ZFYVE16: variants seen among roughly 807,000 people sequenced by gnomAD.
The protein encoded by ZFYVE16 is zinc finger FYVE domain-containing protein 16.
Under a neutral mutation model 138.1 loss-of-function variants are expected in ZFYVE16, and 89 were observed. The ratio of observed to expected loss-of-function variants is 0.64; its 90% confidence interval spans 0.54 to 0.77. ZFYVE16 has a LOEUF of 0.77. Ranked by LOEUF, ZFYVE16 falls within the 30% of genes least tolerant of loss-of-function variation. The pLI is 0.00. For synonymous variants in ZFYVE16, 596 were observed against 618.3 expected, an observed-to-expected ratio of 0.96 and a Z score of 0.53; for missense variants, 1,793 against 1,786.7, an observed-to-expected ratio of 1.00 and a Z score of -0.06.
chr5:80,426,194 T>G (rs1210947500), intron 1 of ZFYVE16, among the ~76,000 whole-genome samples: 2 of 118,890 alleles, frequency 1.7e-5, no homozygotes, highest in African/African-American at 6.1e-5. Context: ...TATATATGTG[T>G]GTGTGTGGTG....
chr5:80,466,785 A>C (rs188975401), intron 15 of ZFYVE16, among the ~76,000 whole-genome samples: 69 of 152,368 alleles, frequency 4.5e-4, no homozygotes, highest in South Asian at 1.7e-3. Context: ...GGAAACTGGC[A>C]AAGAATCAGA....
chr5:80,443,379 A>G (rs914589692), intron 6 of ZFYVE16, 95 bp downstream of exon 6: 7 of 1,363,726 alleles, frequency 5.1e-6, no homozygotes, highest in Non-Finnish European at 7.0e-6. Flanking sequence ...GAGAAACCAG[A>G]CTAGGTATCA....
intron 7 of ZFYVE16, among the ~76,000 whole-genome samples, chr5:80,446,844 G>A (rs1751408973): frequency 1.3e-5 from 2 of 152,118 alleles, no homozygotes; most frequent in South Asian, 2.1e-4. Context: ...TCATTGTAAA[G>A]TGGCACATAC....
chr5:80,410,305 C>G (rs557894034), intron 1 of ZFYVE16: 21 of 152,112 alleles, frequency 1.4e-4, no homozygotes, highest in African/African-American at 4.8e-4. Flanking sequence ...AGTTTGTTTC[C>G]TGTCAGCAGT....
At chr5:80,443,830 CAA>C (rs1360349240) in intron 6 of ZFYVE16, 5 of 456,290 alleles carry the variant, frequency 1.1e-5, no homozygotes, top group African/African-American at 4.0e-5. Flanking sequence ...AAGCCAGTAA[CAA>C]GAGAGTCTGG....
At chr5:80,475,557 T>G (rs1403120349) in intron 18 of ZFYVE16, among the ~76,000 whole-genome samples, 2 of 152,248 alleles carry the variant, frequency 1.3e-5, no homozygotes, top group Admixed American at 1.3e-4. Flanking sequence ...TTACGTATTC[T>G]TTGTGATTTT....
At chr5:80,468,234 GTTCCTA>G (rs1242736119) in intron 15 of ZFYVE16, among the ~76,000 whole-genome samples, 2 of 152,158 alleles carry the variant, frequency 1.3e-5, no homozygotes. Flanking sequence ...CATTTTCAGT[GTTCCTA>G]TTCATATAGT....
chr5:80,465,400 G>GTTTTTTTTTTTTTTCTTTTTTTTT (rs1753604325), intron 15 of ZFYVE16, among the ~76,000 whole-genome samples: 1 of 26,780 alleles, frequency 3.7e-5, no homozygotes, highest in African/African-American at 1.0e-4. Context: ...CCTTTTCTTT[G>GTTTTTTTTTTTTTTCTTTTTTTTT]TTTTTTTTTT....
chr5:80,468,579 A>G lies in ZFYVE16; in HGVS notation c.4025-4182A>G, dbSNP rs190463850. 1.1e-4 allele frequency among the ~76,000 whole-genome samples: 16 copies of G among 152,276 alleles called. No individual in the cohort carries two copies. The East Asian group carries it at 2.9e-3, about 28-fold the overall frequency. ...TTATGGGACTGCTGTTGTATATGTG[A>G]TCCCTCATTGACTGAAATGTTGTTT... is the stretch of plus-strand genomic sequence containing the variant. On this transcript the variant is annotated intron_variant, in intron 15 of 18. Transcript: ENST00000505560.
Position 80,449,665 on chromosome 5 carries a change from A to G in ZFYVE16, c.3178A>G (p.Thr1060Ala), listed in dbSNP as rs1326248258. 2 of 1,609,850 alleles carry G rather than the reference A, an allele frequency of 1.2e-6. No homozygotes were observed. The highest frequency in any genetic ancestry group is 1.1e-5 in the South Asian group (1 of 90,468). ...LLEGESFHPV[T>A]FVLNANLLVN... ...TGAAGGTGAAAGCTTTCATCCTGTT[A>G]CATTTGTCCTAAATGCTAATCTACT... The change falls in exon 9 of 19, where the codon ACA (threonine) becomes GCA (alanine). Residue 1060 changes from threonine (T) to alanine (A), a missense_variant. This residue lies in a region of ZFYVE16 where 498 missense variants were observed against 582.4 expected (regional missense o/e 0.86). Transcript: ENST00000505560.
rs1057142962 is a variant in ZFYVE16, at chr5:80,479,788, T to A, written c.*2411T>A. Reference sequence around the variant, plus strand: ...CCTTATGAGTGAGGGGGACAGAAATTAAAGTTCAGGGCCCATATAAGGTGA... The same window carrying A: ...CCTTATGAGTGAGGGGGACAGAAATAAAAGTTCAGGGCCCATATAAGGTGA... On this transcript the variant is annotated 3_prime_UTR_variant, in exon 19 of 19. Transcript: ENST00000505560. Among the ~76,000 whole-genome samples, 5 of 152,236 alleles carry A rather than the reference T, an allele frequency of 3.3e-5. No individual in the cohort carries two copies. Among genetic ancestry groups the A allele is most frequent in the South Asian group, 4.1e-4 (2 of 4,824 alleles).
chr5:80,429,580 G>C (rs1028288096), intron 2 of ZFYVE16, among the ~76,000 whole-genome samples: 9 of 152,162 alleles, frequency 5.9e-5, no homozygotes, highest in Non-Finnish European at 1.3e-4. Flanking sequence ...CATAATGACA[G>C]GATCAAATTC....
intron 5 of ZFYVE16, chr5:80,441,001 A>G (rs1461448526): frequency 1.0e-6 from 1 of 985,266 alleles, no homozygotes; most frequent in East Asian, 1.1e-4. Flanking sequence ...CTGGAAGATA[A>G]CAAAGCGTAA....
At chr5:80,409,271 A>C (rs1290952426) in intron 1 of ZFYVE16, among the ~76,000 whole-genome samples, 5 of 152,220 alleles carry the variant, frequency 3.3e-5, no homozygotes, top group African/African-American at 9.7e-5. Flanking sequence ...TTGATTATAC[A>C]TGAGCAAAGT....
chr5:80,465,233 TTC>T (rs1753558032), intron 15 of ZFYVE16, among the ~76,000 whole-genome samples: 1 of 151,966 alleles, frequency 6.6e-6, no homozygotes, highest in African/African-American at 2.4e-5. Flanking sequence ...GCAACATATT[TTC>T]TCTGTTTTTG....
At chr5:80,475,591 T>G (rs1348120503) in intron 18 of ZFYVE16, among the ~76,000 whole-genome samples, 1 of 152,260 alleles carries the variant, frequency 6.6e-6, no homozygotes, top group Non-Finnish European at 1.5e-5. Context: ...CAAATAAGTG[T>G]GTGTCCTCCT....
rs1163066517 is a variant in ZFYVE16 at position 80,480,310 on chromosome 5, T to C, written c.*2933T>C. 4.6e-5 allele frequency among the ~76,000 whole-genome samples: 7 copies of C among 152,052 alleles called. No individual in the cohort carries two copies. In the East Asian group the frequency reaches 1.3e-3, roughly 29 times the overall value. On this transcript the variant is annotated 3_prime_UTR_variant, in exon 19 of 19. Coordinates refer to ENST00000505560, the MANE Select transcript of ZFYVE16 (RefSeq NM_001284236.3). ...AATATAAACATTACAAGAATATACA[T>C]AAAAACTGCACTTTAAAACTCAGTA...
rs6868998 is a variant in ZFYVE16 at position 80,462,813 on chromosome 5, G to A, written c.4024+3319G>A. ...GTACAGGCGTTGGGTAAATACACCC[G>A]TTCCAAATGTGAGAAATTGGCCAAA... On this transcript the variant is annotated intron_variant, in intron 15 of 18. Coordinates refer to ENST00000505560, the MANE Select transcript of ZFYVE16 (RefSeq NM_001284236.3). Among the ~76,000 whole-genome samples the A allele has an allele frequency of 6.5e-3, 990 of 152,288 alleles. 5 individuals are homozygous for A. The highest frequency in any genetic ancestry group is 0.022 in the African/African-American group (908 of 41,552).
intron 1 of ZFYVE16, among the ~76,000 whole-genome samples, chr5:80,413,295 A>C (rs1302091639): frequency 6.6e-6 from 1 of 151,920 alleles, no homozygotes; most frequent in Non-Finnish European, 1.5e-5. Context: ...AATATGGAGA[A>C]ACCCCATCTC....
Sources: gnomAD v4.1 joint callset for allele counts (sites outside exome capture counted in the v4.1 genomes callset) on GRCh38, gnomAD v4.1.1 for gene constraint, gnomAD v4.1.1 regional missense constraint, MANE v1.5 for transcripts, NCBI Gene and HGNC (gene_info 2026-07-23, HGNC 2026-07-21) for gene names.